The following MLIP variants were observed in gnomAD, a reference collection of about 807,000 sequenced individuals.
The protein encoded by MLIP is muscular LMNA interacting protein, also known as muscular LMNA-interacting protein.
A neutral mutation model predicts 84.8 loss-of-function variants in MLIP; 79 were observed. The ratio of observed to expected loss-of-function variants is 0.93; its 90% CI spans 0.78 to 1.12. The LOEUF is 1.12. Among genes scored for constraint, MLIP ranks in the 50% most tolerant of loss-of-function variants. The pLI is 0.00. For synonymous variants in MLIP, 504 were observed against 463.0 expected (o/e 1.09, Z -1.14); for missense variants, 1,257 against 1,160.6 (o/e 1.08, Z -1.21).
chr6:54,246,238 A>G (rs769817275), intron 12 of MLIP, among the ~76,000 whole-genome samples: 1 of 152,134 alleles, frequency 6.6e-6, no homozygotes, highest in Non-Finnish European at 1.5e-5. Context: ...AAGGCATTCA[A>G]ATGAAGTGTA....
At chr6:54,252,924 T>C (rs1199524738) in intron 12 of MLIP, among the ~76,000 whole-genome samples, 1 of 152,130 alleles carries the variant, frequency 6.6e-6, no homozygotes, top group African/African-American at 2.4e-5. Context: ...AAAGGATGTC[T>C]TTTAGGCATT....
chr6:54,192,440 T>C (rs758157039), intron 10 of MLIP, among the ~76,000 whole-genome samples: 1 of 152,046 alleles, frequency 6.6e-6, no homozygotes, highest in Non-Finnish European at 1.5e-5. Context: ...TAAGACATAT[T>C]ATAGGACATG....
intron 1 of MLIP, among the ~76,000 whole-genome samples, chr6:54,055,131 C>A (rs933232189): frequency 2.0e-5 from 3 of 152,152 alleles, no homozygotes; most frequent in African/African-American, 7.2e-5. Context: ...CGTGATCCGC[C>A]TGTCTCGGCC....
intron 1 of MLIP, among the ~76,000 whole-genome samples, chr6:54,036,542 G>T (rs1240910155): frequency 6.6e-6 from 1 of 151,904 alleles, no homozygotes; most frequent in Non-Finnish European, 1.5e-5. Context: ...TTCCCAAAAA[G>T]ATCAGCAATA....
At position 54,074,987 on chromosome 6, in the gene MLIP, A is replaced by G. The variant is rs1453481919; in HGVS notation, c.64-46460A>G. On this transcript the variant is annotated intron_variant, in intron 1 of 12. Coordinates refer to the MLIP transcript ENST00000274897. ...TTCCTGGCCAGGCGCGGTGGTTCAC[A>G]CTGTAATCCCAGCACTTTGGGAGGC... Among the ~76,000 whole-genome samples the G allele has an allele frequency of 2.0e-5, 3 of 152,120 alleles. No individual in the cohort carries two copies. In the South Asian group the frequency reaches 6.2e-4, roughly 32 times the overall value.
rs1543566 is a variant in MLIP, at chr6:54,101,548, T to C, written c.64-19899T>C. ...TATCCATGAATAATAAGTAGATTTATGTTTTTGAACCCAATTCTGACTCTA... is the reference window on the plus strand; with the variant it reads ...TATCCATGAATAATAAGTAGATTTACGTTTTTGAACCCAATTCTGACTCTA... On this transcript the variant is annotated intron_variant, in intron 1 of 12. Coordinates refer to the MLIP transcript ENST00000274897. Among the ~76,000 whole-genome samples the C allele has an allele frequency of 1.2e-3, 178 of 152,278 alleles. 1 individual carries two copies. The highest frequency in any genetic ancestry group is 4.0e-3 in the African/African-American group (167 of 41,568).
At chr6:54,179,048 T>C (rs1477325770) in intron 9 of MLIP, among the ~76,000 whole-genome samples, 1 of 152,190 alleles carries the variant, frequency 6.6e-6, no homozygotes, top group East Asian at 1.9e-4. Context: ...TTAGCTCTAA[T>C]AGTATTTGCT....
Position 54,105,346 on chromosome 6 carries a change from A to G in MLIP, c.64-16101A>G, listed in dbSNP as rs541678051. On this transcript the variant is annotated intron_variant, in intron 1 of 12. Coordinates refer to the MLIP transcript ENST00000274897. Reference sequence around the variant, plus strand: ...GATTTCCTATTCCAGTGGAACTAGGAAAGTTGACATTAGGTTGATTCCATT... The same window carrying G: ...GATTTCCTATTCCAGTGGAACTAGGGAAGTTGACATTAGGTTGATTCCATT... Among the ~76,000 whole-genome samples the G allele has an allele frequency of 3.3e-3, 503 of 152,346 alleles. 2 individuals carry two copies. Among genetic ancestry groups the G allele is most frequent in the Non-Finnish European group, 5.8e-3 (396 of 68,032 alleles).
intron 4 of MLIP, among the ~76,000 whole-genome samples, chr6:54,144,082 C>T (rs189580049): frequency 6.6e-6 from 1 of 152,232 alleles, no homozygotes; most frequent in East Asian, 1.9e-4. Context: ...TTGTATCCTC[C>T]ACCTCTAGCT....
chr6:54,243,836 A>G (rs551706110), intron 12 of MLIP, among the ~76,000 whole-genome samples: 1 of 152,312 alleles, frequency 6.6e-6, no homozygotes, highest in African/African-American at 2.4e-5. Flanking sequence ...TGCTGAGGCC[A>G]TCTGACTTCC....
At chr6:54,159,719 A>G (rs1464910464) in intron 5 of MLIP, among the ~76,000 whole-genome samples, 1 of 152,072 alleles carries the variant, frequency 6.6e-6, no homozygotes, top group East Asian at 1.9e-4. Flanking sequence ...AGAGAGTGCC[A>G]AAAGGATCCC....
chr6:54,242,813 T>C (rs1781824985), intron 12 of MLIP, among the ~76,000 whole-genome samples: 1 of 152,202 alleles, frequency 6.6e-6, no homozygotes, highest in Non-Finnish European at 1.5e-5. Context: ...AAATGAACAT[T>C]AAGTGATTTG....
chr6:54,197,206 A>T (rs78753766), intron 10 of MLIP, among the ~76,000 whole-genome samples: 284 of 152,150 alleles, frequency 1.9e-3, no homozygotes, highest in Non-Finnish European at 3.1e-3. Flanking sequence ...CTCTCAGTAA[A>T]AAGGTGAGGC....
chr6:54,079,360 T>A (rs1355306802), intron 1 of MLIP, among the ~76,000 whole-genome samples: 2 of 152,166 alleles, frequency 1.3e-5, no homozygotes, highest in Non-Finnish European at 2.9e-5. Context: ...AGGATACTGT[T>A]GCTGTAGGGG....
intron 1 of MLIP, among the ~76,000 whole-genome samples, chr6:54,120,031 T>C (rs526232): frequency 0.94 from 142,934 of 152,192 alleles, 67,730 homozygotes; most frequent in Non-Finnish European, 1. Flanking sequence ...AGTATATAGA[T>C]ATGTTCAGTT....
At chr6:54,222,104 G>A (rs1582545770) in intron 11 of MLIP, among the ~76,000 whole-genome samples, 2 of 151,758 alleles carry the variant, frequency 1.3e-5, no homozygotes, top group East Asian at 3.9e-4. Flanking sequence ...TATATTTTAG[G>A]TAAAAAACTT....
chr6:54,264,851 G>C (rs1783595900), intron 13 of MLIP, among the ~76,000 whole-genome samples: 1 of 152,054 alleles, frequency 6.6e-6, no homozygotes, highest in Non-Finnish European at 1.5e-5. Flanking sequence ...AACCAGAGCA[G>C]TCATGAGCCA....
chr6:54,116,662 A>G (rs978957540), intron 1 of MLIP, among the ~76,000 whole-genome samples: 8 of 152,204 alleles, frequency 5.3e-5, no homozygotes, highest in African/African-American at 1.9e-4. Flanking sequence ...CCTACCAAAC[A>G]TTTAAAGAAG....
intron 1 of MLIP, among the ~76,000 whole-genome samples, chr6:54,092,079 T>A (rs557018): frequency 6.6e-6 from 1 of 152,014 alleles, no homozygotes; most frequent in Non-Finnish European, 1.5e-5. Context: ...GAATTAAATA[T>A]CCAAGAGAGA....
Sources: gnomAD v4.1 joint callset for allele counts (sites outside exome capture counted in the v4.1 genomes callset) on GRCh38, gnomAD v4.1.1 for gene constraint, MANE v1.5 for transcripts, NCBI Gene and HGNC (gene_info 2026-07-23, HGNC 2026-07-21) for gene names.